The following GSE1 variants were observed in gnomAD, a reference collection of about 807,000 sequenced individuals.
The protein encoded by GSE1 is Gse1 coiled-coil protein, also known as genetic suppressor element 1.
In GSE1, 32 loss-of-function variants were observed where a neutral mutation model predicts 112.6. The ratio of observed to expected loss-of-function variants is 0.28; its 90% CI spans 0.21 to 0.38. The LOEUF is 0.38. Ranked by LOEUF, GSE1 falls within the 10% of genes least tolerant of loss-of-function variation. The pLI, the probability that GSE1 is intolerant of heterozygous loss-of-function variation, is 1.00. For missense variants in GSE1, 2,348 were observed against 1,699.2 expected, an observed-to-expected ratio of 1.38 and a Z score of -6.71; for synonymous variants, 1,115 against 735.6, an observed-to-expected ratio of 1.52 and a Z score of -8.35.
At chr16:85,563,377 G>A (rs1567592756) in intron 1 of GSE1, among the ~76,000 whole-genome samples, 1 of 152,056 alleles carries the variant, frequency 6.6e-6, no homozygotes, top group Admixed American at 6.6e-5. Context: ...AAGTCTTTAG[G>A]GGAAAATGTA....
At chr16:85,312,047 C>T (rs2045863623) in intron 1 of GSE1, among the ~76,000 whole-genome samples, 1 of 152,206 alleles carries the variant, frequency 6.6e-6, no homozygotes, top group African/African-American at 2.4e-5. Context: ...GTGGCCCAGG[C>T]TGGCTTGGCC....
chr16:85,343,611 A>G (rs556350552), intron 1 of GSE1, among the ~76,000 whole-genome samples: 1 of 152,182 alleles, frequency 6.6e-6, no homozygotes, highest in South Asian at 2.1e-4. Context: ...AGCAGGGCAT[A>G]TGGTGGTGCA....
intron 1 of GSE1, among the ~76,000 whole-genome samples, chr16:85,194,501 A>G (rs2074889879): frequency 3.9e-5 from 6 of 152,186 alleles, no homozygotes; most frequent in Admixed American, 3.3e-4. Flanking sequence ...GACAGGGGCC[A>G]TTCTGGAAGG....
intron 2 of GSE1, among the ~76,000 whole-genome samples, chr16:85,488,646 A>G (rs1003689824): frequency 3.9e-5 from 6 of 152,152 alleles, no homozygotes; most frequent in Admixed American, 3.9e-4. Context: ...CCTCAGGAAC[A>G]GTCTTTCCGG....
chr16:85,559,121 T>G (rs1287794210), intron 1 of GSE1, among the ~76,000 whole-genome samples: 1 of 152,200 alleles, frequency 6.6e-6, no homozygotes, highest in Non-Finnish European at 1.5e-5. Context: ...GGCTCCCACC[T>G]TGGGCTGGGA....
intron 1 of GSE1, among the ~76,000 whole-genome samples, chr16:85,304,469 C>T (rs142865501): frequency 9.6e-4 from 146 of 152,304 alleles, no homozygotes; most frequent in African/African-American, 3.5e-3. Context: ...CCGCCAGGGG[C>T]AGTGCCCTCA....
intron 1 of GSE1, among the ~76,000 whole-genome samples, chr16:85,318,665 C>T (rs952834532): frequency 2.0e-5 from 3 of 152,138 alleles, no homozygotes; most frequent in African/African-American, 4.8e-5. Flanking sequence ...GTAGAGCCAG[C>T]GCCATCGTTC....
chr16:85,353,869 G>T lies in GSE1; in HGVS notation c.2284-3594G>T, dbSNP rs541379619. On this transcript the variant is annotated intron_variant, in intron 1 of 2. Transcript: ENST00000637419. ...GCGGGGATGTGTGTTCCAACCTCCT[G>T]TCCTAGACCACGAGCCCCTTGAGGA... 1.8e-4 allele frequency among the ~76,000 whole-genome samples: 27 copies of T among 152,340 alleles called. No individual in the cohort carries two copies. In the South Asian group the frequency reaches 5.6e-3, roughly 32 times the overall value.
chr16:85,424,761 C>T (rs1220549288), intron 2 of GSE1, among the ~76,000 whole-genome samples: 2 of 152,246 alleles, frequency 1.3e-5, no homozygotes, highest in Non-Finnish European at 2.9e-5. Flanking sequence ...AGATGCTCTG[C>T]GCCATGGCAC....
intron 1 of GSE1, among the ~76,000 whole-genome samples, chr16:85,331,507 A>ATG (rs1463838311): frequency 0.22 from 25,588 of 117,282 alleles, 3,605 homozygotes; most frequent in East Asian, 0.49. Context: ...ATGTGTATAT[A>ATG]TGTATATATG....
rs535288762 is a variant in GSE1 at position 85,323,976 on chromosome 16, G to A, written c.2284-33487G>A. Among the ~76,000 whole-genome samples, 13 of 152,278 alleles carry A rather than the reference G, an allele frequency of 8.5e-5. No homozygotes were observed. In the East Asian group the frequency reaches 1.9e-3, roughly 23 times the overall value. On this transcript the variant is annotated intron_variant, in intron 1 of 2. Transcript: ENST00000637419. The stretch of plus-strand genomic sequence containing the variant: ...TCTGTGAACTGCTTCTGCACCACCC[G>A]ATTCCTTTGCACATGAAAGCTTAAC...
chr16:85,586,874 A>G (rs913676259), intron 1 of GSE1, among the ~76,000 whole-genome samples: 11 of 152,340 alleles, frequency 7.2e-5, no homozygotes, highest in Admixed American at 6.5e-4. Context: ...ACAGTAGCTA[A>G]CTTTCTTATT....
At chr16:85,445,512 G>T (rs1469923676) in intron 2 of GSE1, among the ~76,000 whole-genome samples, 1 of 152,248 alleles carries the variant, frequency 6.6e-6, no homozygotes, top group Non-Finnish European at 1.5e-5. Flanking sequence ...TTGCGTGGCG[G>T]GCGGCTGGCA....
At chr16:85,341,534 T>C (rs1242629665) in intron 1 of GSE1, among the ~76,000 whole-genome samples, 1 of 151,984 alleles carries the variant, frequency 6.6e-6, no homozygotes, top group Non-Finnish European at 1.5e-5. Flanking sequence ...GGCAGGCACC[T>C]GTAATCCCAG....
chr16:85,433,289 A>G (rs770759456), intron 2 of GSE1, among the ~76,000 whole-genome samples: 2 of 151,824 alleles, frequency 1.3e-5, no homozygotes, highest in Non-Finnish European at 2.9e-5. Flanking sequence ...TTTACAGGCA[A>G]AGGAACTGAG....
At chr16:85,172,107 C>T (rs915524836) in intron 1 of GSE1, among the ~76,000 whole-genome samples, 1 of 152,132 alleles carries the variant, frequency 6.6e-6, no homozygotes, top group African/African-American at 2.4e-5. Flanking sequence ...GGTGTGTTTG[C>T]AGTGGGATCT....
intron 1 of GSE1, among the ~76,000 whole-genome samples, chr16:85,234,707 G>T (rs1315369844): frequency 6.6e-6 from 1 of 152,156 alleles, no homozygotes; most frequent in East Asian, 1.9e-4. Context: ...TTGACCCTCT[G>T]CTGGACCAGG....
intron 1 of GSE1, among the ~76,000 whole-genome samples, chr16:85,216,973 C>G (rs1030862126): frequency 8.5e-5 from 13 of 152,226 alleles, no homozygotes; most frequent in African/African-American, 2.9e-4. Flanking sequence ...CGGCAAGCCC[C>G]TGATGCTTGT....
upstream of GSE1, among the ~76,000 whole-genome samples, chr16:85,553,912 T>C (rs1160375941): frequency 6.6e-6 from 1 of 152,154 alleles, no homozygotes; most frequent in African/African-American, 2.4e-5. Context: ...GGACCCCTGA[T>C]TTACGCAGTG....
Sources: allele counts gnomAD v4.1 joint callset (sites outside exome capture counted in the v4.1 genomes callset), GRCh38; gene constraint gnomAD v4.1.1; transcripts MANE v1.5; gene names NCBI Gene and HGNC (gene_info 2026-07-23, HGNC 2026-07-21).